Variants in ZMYND12 observed in about 807,000 individuals in gnomAD.
ZMYND12 encodes the protein zinc finger MYND domain-containing protein 12.
ZMYND12 carries 32 observed loss-of-function variants against 41.7 expected under a neutral mutation model. The observed-to-expected ratio is 0.77, with a 90% CI of 0.58 to 1.03. ZMYND12 has a LOEUF of 1.03. Ranked by LOEUF, ZMYND12 falls within the 50% of genes least tolerant of loss-of-function variation. The pLI, the probability that ZMYND12 is intolerant of heterozygous loss-of-function variation, is 0.00. For missense variants in ZMYND12, 424 were observed against 438.5 expected (o/e 0.97, Z 0.30); for synonymous variants, 148 against 164.8 (o/e 0.90, Z 0.78).
chr1:42,441,048 C>T (rs1361961477), intron 3 of ZMYND12, among the ~76,000 whole-genome samples: 1 of 152,084 alleles, frequency 6.6e-6, no homozygotes, highest in Non-Finnish European at 1.5e-5. Context: ...ATATTTAATA[C>T]CCTTTCTGTG....
chr1:42,430,932 A>C lies in ZMYND12; in HGVS notation c.976-74T>G, dbSNP rs199824736. 5 of 1,583,734 alleles carry C rather than the reference A, an allele frequency of 3.2e-6. No individual in the cohort carries two copies. In the East Asian group the frequency reaches 9.1e-5, roughly 29 times the overall value. On this transcript the variant is annotated intron_variant, in intron 7 of 7. Coordinates refer to ENST00000372565, the MANE Select transcript of ZMYND12 (RefSeq NM_032257.5). ...ACACTGGGAAGCCCCATCTGTGCTC[A>C]ACTCCAGAAACATGAGAGAGAACTG...
intron 3 of ZMYND12, among the ~76,000 whole-genome samples, chr1:42,446,877 T>A (rs897166318): frequency 6.6e-6 from 1 of 152,032 alleles, no homozygotes; most frequent in African/African-American, 2.4e-5. Context: ...CAGAAAGCAG[T>A]CAAGTGAGCA....
intron 1 of ZMYND12, among the ~76,000 whole-genome samples, chr1:42,452,664 C>T (rs1483521487): frequency 6.6e-6 from 1 of 152,148 alleles, no homozygotes; most frequent in Non-Finnish European, 1.5e-5. Flanking sequence ...GATGGTGCCA[C>T]TGCGCTCCAG....
intron 3 of ZMYND12, among the ~76,000 whole-genome samples, chr1:42,445,743 C>T (rs972782922): frequency 6.6e-6 from 1 of 152,054 alleles, no homozygotes; most frequent in Non-Finnish European, 1.5e-5. Context: ...AGCAGAGCCT[C>T]ATGGGTTGCT....
intron 3 of ZMYND12, among the ~76,000 whole-genome samples, chr1:42,445,572 G>C (rs1037205549): frequency 6.6e-6 from 1 of 152,078 alleles, no homozygotes; most frequent in African/African-American, 2.4e-5. Context: ...AGGAGAAGCA[G>C]AGAGAGTGGC....
intron 3 of ZMYND12, among the ~76,000 whole-genome samples, chr1:42,443,057 T>C (rs551541227): frequency 5.9e-5 from 9 of 152,298 alleles, no homozygotes; most frequent in African/African-American, 2.2e-4. Flanking sequence ...TTGACAAATA[T>C]TGGAAATTTA....
intron 4 of ZMYND12, among the ~76,000 whole-genome samples, chr1:42,438,768 C>T (rs1244600294): frequency 2.0e-5 from 3 of 152,218 alleles, no homozygotes; most frequent in East Asian, 1.9e-4. Flanking sequence ...ATTGTACAGG[C>T]GGGCAACCAG....
Position 42,436,432 on chromosome 1 carries a change from A to C in ZMYND12, c.706T>G (p.Leu236Val), listed in dbSNP as rs758644931. ...ATTCCCCAGCTCACCTTGGTGTACA[A>C]TGTGTCTGCCAGGTCCAACTTTTTA... is the stretch of plus-strand genomic sequence containing the variant. ...DLKKLDLADT[L>V]YTKVSEIWHA... Residue 236 changes from leucine to valine, a missense_variant, in exon 5 of 8, where the codon TTG becomes GTG. Transcript: ENST00000372565. The C allele has an allele frequency of 2.5e-6, 4 of 1,613,292 alleles. No individual in the cohort carries two copies. In the Admixed American group the frequency reaches 6.7e-5, roughly 27 times the overall value.
chr1:42,449,183 GTGAT>G (rs1643054445), intron 2 of ZMYND12, among the ~76,000 whole-genome samples: 3 of 152,168 alleles, frequency 2.0e-5, no homozygotes, highest in South Asian at 4.1e-4. Flanking sequence ...ATTTTTTAGA[GTGAT>G]TGAGATGCTC....
chr1:42,455,308 C>T (rs1251300955), intron 1 of ZMYND12, among the ~76,000 whole-genome samples: 1 of 151,804 alleles, frequency 6.6e-6, no homozygotes, highest in East Asian at 2.0e-4. Flanking sequence ...GTCTCACTCT[C>T]GTTGCCCAAG....
intron 6 of ZMYND12, among the ~76,000 whole-genome samples, chr1:42,434,966 G>A (rs980186589): frequency 6.6e-6 from 1 of 152,018 alleles, no homozygotes; most frequent in Non-Finnish European, 1.5e-5. Context: ...CTGCTGCCCT[G>A]GAGGGATAAC....
intron 3 of ZMYND12, among the ~76,000 whole-genome samples, chr1:42,441,293 CA>C (rs777498908): frequency 7.9e-5 from 12 of 152,190 alleles, no homozygotes; most frequent in Non-Finnish European, 7.4e-5. Context: ...GCAGAAGTAA[CA>C]GCATGTGCAA....
intron 7 of ZMYND12, 135 bp downstream of exon 7, chr1:42,433,008 C>T: frequency 1.8e-6 from 2 of 1,082,396 alleles, no homozygotes; most frequent in Non-Finnish European, 2.7e-6. Flanking sequence ...ACATCGTGAG[C>T]ATCTGAACCT....
intron 6 of ZMYND12, among the ~76,000 whole-genome samples, chr1:42,433,737 G>C (rs1280367542): frequency 6.6e-6 from 1 of 152,134 alleles, no homozygotes; most frequent in Non-Finnish European, 1.5e-5. Flanking sequence ...AACTCTTCTC[G>C]TCTAGGCCAT....
At chr1:42,436,321 T>C in intron 5 of ZMYND12, 100 bp downstream of exon 5, 1 of 1,532,538 alleles carries the variant, frequency 6.5e-7, no homozygotes, top group African/African-American at 1.4e-5. Context: ...TCTGTGCCTC[T>C]CTTTCTCATG....
At chr1:42,434,541 C>G (rs151154418) in intron 6 of ZMYND12, among the ~76,000 whole-genome samples, 1,523 of 152,218 alleles carry the variant, frequency 0.01, 10 homozygotes, top group Non-Finnish European at 0.016. Context: ...TCTGTATTTA[C>G]AGCCACTCCC....
chr1:42,436,710 A>G (rs950813137), intron 4 of ZMYND12, among the ~76,000 whole-genome samples, 167 bp from the exon 5 acceptor site: 4 of 152,196 alleles, frequency 2.6e-5, no homozygotes, highest in African/African-American at 9.7e-5. Context: ...CAGATGAATA[A>G]TAAGCACATG....
intron 3 of ZMYND12, among the ~76,000 whole-genome samples, chr1:42,446,504 G>A (rs1643025471): frequency 1.3e-5 from 2 of 151,768 alleles, no homozygotes; most frequent in Non-Finnish European, 2.9e-5. Context: ...ATACAAAAAT[G>A]AGCCAGGCGT....
At chr1:42,449,248 T>C (rs1643056862) in intron 2 of ZMYND12, among the ~76,000 whole-genome samples, 1 of 152,222 alleles carries the variant, frequency 6.6e-6, no homozygotes, top group Non-Finnish European at 1.5e-5. Context: ...CAGGTTTTGG[T>C]AACCTCCTTT....
Sources: allele counts gnomAD v4.1 joint callset (sites outside exome capture counted in the v4.1 genomes callset), GRCh38; gene constraint gnomAD v4.1.1; transcripts MANE v1.5; gene names NCBI Gene and HGNC (gene_info 2026-07-23, HGNC 2026-07-21).